Variants in ANK2 observed in about 807,000 individuals in gnomAD.
The protein encoded by ANK2 is ankyrin-2.
A neutral mutation model predicts 360.5 loss-of-function variants in ANK2; 83 were observed. That is an observed-to-expected ratio of 0.23 (90% CI 0.19 to 0.28). The LOEUF (loss-of-function observed/expected upper bound fraction) is 0.28. ANK2 is among the 10% of genes least tolerant of loss of function. The pLI, the probability that ANK2 is intolerant of heterozygous loss-of-function variation, is 1.00. For synonymous variants in ANK2, 1,740 were observed against 1,759.5 expected, an observed-to-expected ratio of 0.99 and a Z score of 0.28; for missense variants, 4,201 against 4,795.7, an observed-to-expected ratio of 0.88 and a Z score of 3.66.
chr4:113,364,707 G>A (rs1401141840), intron 40 of ANK2, among the ~76,000 whole-genome samples: 1 of 152,164 alleles, frequency 6.6e-6, no homozygotes, highest in Non-Finnish European at 1.5e-5. Context: ...GTTTCAGGTG[G>A]TCAGCAAATA....
intron 14 of ANK2, among the ~76,000 whole-genome samples, chr4:113,271,272 G>A (rs114957203): frequency 2.4e-3 from 371 of 152,248 alleles, no homozygotes; most frequent in African/African-American, 8.4e-3. Context: ...GGGCTCATGC[G>A]CATTCATGCG....
At chr4:112,835,910 CT>C (rs2149736752) in intron 1 of ANK2, among the ~76,000 whole-genome samples, 1 of 152,202 alleles carries the variant, frequency 6.6e-6, no homozygotes, top group South Asian at 2.1e-4. Context: ...ATGAATATTA[CT>C]TTTTTTCCCT....
At chr4:112,954,145 T>G (rs1171923818) in intron 2 of ANK2, among the ~76,000 whole-genome samples, 1 of 151,296 alleles carries the variant, frequency 6.6e-6, no homozygotes. Context: ...CAGTGGATAT[T>G]GTTGTCCCAC....
intron 22 of ANK2, among the ~76,000 whole-genome samples, chr4:113,300,213 T>A (rs1301667206): frequency 6.6e-6 from 1 of 152,222 alleles, no homozygotes; most frequent in Non-Finnish European, 1.5e-5. Flanking sequence ...AATAAGACTC[T>A]GAATAAAACT....
chr4:113,156,431 C>T (rs1216330010), intron 1 of ANK2, among the ~76,000 whole-genome samples: 1 of 139,470 alleles, frequency 7.2e-6, no homozygotes, highest in Admixed American at 7.9e-5. Context: ...AGTGCAGTGA[C>T]GTGATCACGA....
At chr4:113,233,301 A>AT (rs987943495) in intron 5 of ANK2, among the ~76,000 whole-genome samples, 3 of 148,432 alleles carry the variant, frequency 2.0e-5, no homozygotes, top group Non-Finnish European at 3.0e-5. Context: ...CGCCCGGCTA[A>AT]TTTTTTTGTA....
intron 34 of ANK2, 109 bp from the exon 35 acceptor site, chr4:113,345,791 T>G (rs1349585972): frequency 7.0e-7 from 1 of 1,418,986 alleles, no homozygotes; most frequent in Non-Finnish European, 9.9e-7. Flanking sequence ...TTTGAGTTCT[T>G]ACCTAGCAGT....
At chr4:113,289,316 T>TCATTCTCTTG (rs1224667803) in intron 20 of ANK2, among the ~76,000 whole-genome samples, 4 of 151,182 alleles carry the variant, frequency 2.6e-5, no homozygotes, top group Admixed American at 6.6e-5. Flanking sequence ...TGGGCTCAAG[T>TCATTCTCTTG]CATTCTCTTG....
chr4:112,915,490 C>T (rs2089431657), intron 2 of ANK2, among the ~76,000 whole-genome samples: 2 of 151,916 alleles, frequency 1.3e-5, no homozygotes, highest in African/African-American at 4.8e-5. Context: ...GTGGCTCATC[C>T]CTATAGTCCC....
At chr4:113,169,650 G>T (rs2097873997) in intron 1 of ANK2, among the ~76,000 whole-genome samples, 1 of 152,050 alleles carries the variant, frequency 6.6e-6, no homozygotes, top group Non-Finnish European at 1.5e-5. Context: ...ACTGCTGGTT[G>T]GGTCACCGTT....
At chr4:112,762,871 C>T in the ANK2 span, among the ~76,000 whole-genome samples, 598 of 152,294 alleles carry the variant, frequency 3.9e-3, 7 homozygotes, top group African/African-American at 0.014. Context: ...AAATGTGGTT[C>T]GTGAAAACTA....
chr4:113,356,350 G>A lies in ANK2; in HGVS notation c.7732G>A (p.Glu2578Lys). ...CAEEDDSENG[E>K]KKRFTPEEEM... is the part of the protein sequence containing the mutation. ...AGAGGAGGATGATTCAGAAAACGGG[G>A]AGAAAAAGAGGTTCACACCTGAAGA... The change falls in exon 38 of 46, where the codon GAG becomes AAG. Residue 2578 changes from glutamate to lysine, a missense_variant. This residue lies in a region of ANK2 where 2,642 missense variants were observed against 2,714.5 expected (regional missense o/e 0.97). Coordinates refer to ENST00000357077, the MANE Select transcript of ANK2 (RefSeq NM_001148.6). 9 of 1,614,132 alleles carry A rather than the reference G, an allele frequency of 5.6e-6. No homozygotes were observed. The highest frequency in any genetic ancestry group is 7.6e-6 in the Non-Finnish European group (9 of 1,179,990).
At chr4:112,775,514 A>ACCACACACACACACAC in the ANK2 span, among the ~76,000 whole-genome samples, 1 of 2,788 alleles carries the variant, frequency 3.6e-4, no homozygotes, top group African/African-American at 9.6e-4. Flanking sequence ...GCTAAGCTCC[A>ACCACACACACACACAC]TCACACACAC....
chr4:113,275,586 G>T lies in ANK2; in HGVS notation c.1683+937G>T, dbSNP rs551712605. ...TGTAAGTAGGAGCAGCCCACTAGCTGTTATGGCTTATCTGGTTGCCTGTTA... is the reference window on the plus strand; with the variant it reads ...TGTAAGTAGGAGCAGCCCACTAGCTTTTATGGCTTATCTGGTTGCCTGTTA... On this transcript the variant is annotated intron_variant, in intron 15 of 45. Coordinates refer to ENST00000357077, the MANE Select transcript of ANK2 (RefSeq NM_001148.6). Among the ~76,000 whole-genome samples the T allele has an allele frequency of 2.2e-4, 33 of 152,232 alleles. No homozygotes were observed. The South Asian group carries it at 6.8e-3, about 32-fold the overall frequency.
intron 2 of ANK2, among the ~76,000 whole-genome samples, chr4:112,926,556 A>G (rs2092584729): frequency 6.6e-6 from 1 of 152,214 alleles, no homozygotes; most frequent in African/African-American, 2.4e-5. Context: ...GTGTTGTCTA[A>G]CAGACCTCCA....
At chr4:113,073,879 A>G (rs1007153275) in intron 1 of ANK2, among the ~76,000 whole-genome samples, 1 of 152,200 alleles carries the variant, frequency 6.6e-6, no homozygotes, top group Non-Finnish European at 1.5e-5. Context: ...CCTACGTTGG[A>G]TGCCAGCTGA....
the ANK2 span, among the ~76,000 whole-genome samples, chr4:112,781,223 C>T: frequency 6.6e-6 from 1 of 152,134 alleles, no homozygotes; most frequent in African/African-American, 2.4e-5. Context: ...AACTCTCAAA[C>T]TCCTAGGCTC....
intron 2 of ANK2, among the ~76,000 whole-genome samples, chr4:113,030,631 A>G (rs915460859): frequency 6.6e-5 from 10 of 152,222 alleles, no homozygotes; most frequent in Middle Eastern, 3.4e-3. Flanking sequence ...TTACAAGCTG[A>G]ATATGGGTCA....
intron 2 of ANK2, among the ~76,000 whole-genome samples, chr4:112,908,350 A>G (rs1393597420): frequency 6.6e-6 from 1 of 152,230 alleles, no homozygotes; most frequent in Non-Finnish European, 1.5e-5. Context: ...GCAAATCACC[A>G]GCAAATGTGG....
Sources: gnomAD v4.1 joint callset for allele counts (sites outside exome capture counted in the v4.1 genomes callset) on GRCh38, gnomAD v4.1.1 for gene constraint, gnomAD v4.1.1 regional missense constraint, MANE v1.5 for transcripts, NCBI Gene and HGNC (gene_info 2026-07-23, HGNC 2026-07-21) for gene names.